FUT8: variants seen among roughly 807,000 people sequenced by gnomAD.
The protein encoded by FUT8 is fucosyltransferase 8.
Under a neutral mutation model 71.3 loss-of-function variants are expected in FUT8, and 29 were observed. That is an observed-to-expected ratio of 0.41 (90% CI 0.30 to 0.55). FUT8 has a LOEUF of 0.55. Ranked by LOEUF, FUT8 falls within the 20% of genes least tolerant of loss-of-function variation. FUT8 has a pLI of 0.34. For synonymous variants in FUT8, 254 were observed against 239.3 expected (o/e 1.06, Z -0.57); for missense variants, 544 against 702.1 (o/e 0.77, Z 2.55).
chr14:65,582,111 G>C (rs1400715650), intron 3 of FUT8, among the ~76,000 whole-genome samples: 1 of 152,126 alleles, frequency 6.6e-6, no homozygotes, highest in Non-Finnish European at 1.5e-5. Flanking sequence ...GACATAGCGT[G>C]AAAGGAGCAT....
intron 6 of FUT8, among the ~76,000 whole-genome samples, chr14:65,637,451 G>A (rs1225132617): frequency 6.6e-6 from 1 of 152,202 alleles, no homozygotes. Context: ...GGATATCTCC[G>A]AGTTTAACTT....
intron 3 of FUT8, among the ~76,000 whole-genome samples, chr14:65,580,233 T>C (rs181594823): frequency 2.0e-5 from 3 of 151,570 alleles, no homozygotes; most frequent in Admixed American, 6.6e-5. Context: ...GTATATGATA[T>C]AGGCTATTGC....
intron 1 of FUT8, among the ~76,000 whole-genome samples, chr14:65,446,831 T>G (rs2065749901): frequency 6.6e-6 from 1 of 151,902 alleles, no homozygotes; most frequent in South Asian, 2.1e-4. Flanking sequence ...TTTCTCTGTT[T>G]CCCTTTCCTT....
intron 2 of FUT8, among the ~76,000 whole-genome samples, chr14:65,523,846 C>G (rs915706606): frequency 4.6e-5 from 7 of 152,152 alleles, no homozygotes; most frequent in African/African-American, 1.7e-4. Context: ...TTCCCCATTG[C>G]TTGTTTTTGT....
chr14:65,580,417 AAT>A (rs957827420), intron 3 of FUT8, among the ~76,000 whole-genome samples: 6 of 151,388 alleles, frequency 4.0e-5, no homozygotes, highest in East Asian at 1.9e-4. Flanking sequence ...TGCATGACTA[AAT>A]ATATATATAT....
At chr14:65,707,131 T>C (rs940394013) in intron 7 of FUT8, among the ~76,000 whole-genome samples, 1 of 152,172 alleles carries the variant, frequency 6.6e-6, no homozygotes, top group Non-Finnish European at 1.5e-5. Flanking sequence ...CCACCAATGG[T>C]GTACAAGGGT....
intron 1 of FUT8, among the ~76,000 whole-genome samples, chr14:65,440,733 T>G (rs1024912754): frequency 1.3e-5 from 2 of 152,154 alleles, no homozygotes; most frequent in Non-Finnish European, 2.9e-5. Flanking sequence ...TTTAAACTCT[T>G]AAATTTGAGA....
chr14:65,583,674 T>A (rs1377243112), intron 3 of FUT8, among the ~76,000 whole-genome samples: 2 of 151,190 alleles, frequency 1.3e-5, no homozygotes, highest in Non-Finnish European at 2.9e-5. Flanking sequence ...CTGAGTCAAA[T>A]GCAATTAATT....
the FUT8 span, among the ~76,000 whole-genome samples, chr14:65,374,256 T>C: frequency 6.6e-6 from 1 of 152,224 alleles, no homozygotes; most frequent in African/African-American, 2.4e-5. Flanking sequence ...AATGTGAGTG[T>C]ACAGTCTGCC....
chr14:65,717,070 T>C (rs559902561), intron 7 of FUT8, among the ~76,000 whole-genome samples: 99 of 72,304 alleles, frequency 1.4e-3, no homozygotes, highest in Admixed American at 2.2e-3. Context: ...ACTTCCCAGA[T>C]GGGGCGGCCG....
At chr14:65,493,614 G>T (rs2066516303) in intron 2 of FUT8, among the ~76,000 whole-genome samples, 1 of 151,964 alleles carries the variant, frequency 6.6e-6, no homozygotes, top group Non-Finnish European at 1.5e-5. Flanking sequence ...TTAAATGAAA[G>T]ATTAGTTTGA....
chr14:65,427,108 C>T (rs933623365), intron 1 of FUT8, among the ~76,000 whole-genome samples: 2 of 152,092 alleles, frequency 1.3e-5, no homozygotes, highest in Non-Finnish European at 2.9e-5. Flanking sequence ...GTGATCCGCC[C>T]GCCTTGGCCT....
the FUT8 span, among the ~76,000 whole-genome samples, chr14:65,384,895 CT>C: frequency 1.2e-3 from 177 of 142,742 alleles, no homozygotes; most frequent in Admixed American, 1.4e-3. The surrounding 1 kb of genome is among the most constrained non-coding windows in gnomAD (Gnocchi z 4.2). Flanking sequence ...AGGTTAGATA[CT>C]TTTTTTTTTT....
intron 6 of FUT8, among the ~76,000 whole-genome samples, chr14:65,668,433 C>T (rs904311848): frequency 4.6e-5 from 7 of 152,032 alleles, no homozygotes; most frequent in East Asian, 3.8e-4. Context: ...ACAGTCAATA[C>T]GTATCAAACA....
At chr14:65,571,975 T>C (rs1358418098) in intron 3 of FUT8, among the ~76,000 whole-genome samples, 1 of 151,270 alleles carries the variant, frequency 6.6e-6, no homozygotes, top group Non-Finnish European at 1.5e-5. Context: ...TAGCAGACTC[T>C]TAGTGAATTT....
At chr14:65,690,805 A>G (rs962324625) in intron 7 of FUT8, among the ~76,000 whole-genome samples, 6 of 151,400 alleles carry the variant, frequency 4.0e-5, no homozygotes, top group South Asian at 2.1e-4. Context: ...GCTCACTGCA[A>G]CCTCTGCCTC....
At chr14:65,375,512 T>C in the FUT8 span, among the ~76,000 whole-genome samples, 1 of 152,146 alleles carries the variant, frequency 6.6e-6, no homozygotes, top group African/African-American at 2.4e-5. Flanking sequence ...TTCCAGCTAC[T>C]TGGGAGGCTA....
At chr14:65,479,502 T>G (rs2066296712) in intron 2 of FUT8, among the ~76,000 whole-genome samples, 1 of 152,152 alleles carries the variant, frequency 6.6e-6, no homozygotes, top group South Asian at 2.1e-4. Context: ...ATGAGTGAGA[T>G]TCAGCATTTT....
chr14:65,533,597 CA>C, intron 2 of FUT8, among the ~76,000 whole-genome samples: 1 of 152,166 alleles, frequency 6.6e-6, no homozygotes, highest in East Asian at 1.9e-4. Context: ...ATGTCATCTC[CA>C]AACAGTGATA....
Sources: gnomAD v4.1 joint callset for allele counts (sites outside exome capture counted in the v4.1 genomes callset) on GRCh38, gnomAD v4.1.1 for gene constraint, Gnocchi (gnomAD v3.1) non-coding constraint, MANE v1.5 for transcripts, NCBI Gene and HGNC (gene_info 2026-07-23, HGNC 2026-07-21) for gene names.